The following PROSER2 variants were observed in gnomAD, a reference collection of about 807,000 sequenced individuals.
The protein encoded by PROSER2 is proline and serine rich 2, also known as proline and serine-rich protein 2.
A neutral mutation model predicts 14.6 loss-of-function variants in PROSER2; 18 were observed. The ratio of observed to expected loss-of-function variants is 1.23; its 90% CI spans 0.85 to 1.83. The LOEUF (loss-of-function observed/expected upper bound fraction) is 1.83, where lower values mean the gene tolerates loss of function less well. Ranked by LOEUF, PROSER2 falls within the 40% of genes most tolerant of loss-of-function variation. The probability of loss-of-function intolerance (pLI) is 0.00; values close to 1 mark genes in which losing one functional copy is unlikely to be tolerated. For synonymous variants in PROSER2, 367 were observed against 286.4 expected, an observed-to-expected ratio of 1.28 and a Z score of -2.84; for missense variants, 823 against 629.8, an observed-to-expected ratio of 1.31 and a Z score of -3.28.
At chr10:11,828,300 T>TAA (rs1833642165) in intron 1 of PROSER2, among the ~76,000 whole-genome samples, 1 of 103,478 alleles carries the variant, frequency 9.7e-6, no homozygotes. Context: ...ACTCTCTGTG[T>TAA]GAAAAAAAAA....
At chr10:11,848,230 A>G (rs961945866) in intron 1 of PROSER2, among the ~76,000 whole-genome samples, 3 of 152,290 alleles carry the variant, frequency 2.0e-5, no homozygotes, top group Admixed American at 6.5e-5. Flanking sequence ...GTGCAGTGGC[A>G]TGATATCAGC....
At chr10:11,826,741 G>A (rs1439356148) in intron 1 of PROSER2, among the ~76,000 whole-genome samples, 1 of 151,748 alleles carries the variant, frequency 6.6e-6, no homozygotes, top group South Asian at 2.1e-4. Flanking sequence ...CCACCACGCC[G>A]GGCTAATTTT....
rs1364020501 is a variant in PROSER2 at position 11,871,915 on chromosome 10, ATTTAG to A, written c.*1513_*1517del. ...ATAATTTTTTCCTTAGAAATGCAAT[ATTTAG>A]TTTCATCCAGCTCTTATGAATAATA... On this transcript the variant is annotated 3_prime_UTR_variant, in exon 4 of 4. Coordinates refer to ENST00000277570, the MANE Select transcript of PROSER2 (RefSeq NM_153256.4). The A allele has an allele frequency of 6.6e-6, 1 of 152,234 alleles. No individual in the cohort carries two copies. Among genetic ancestry groups the A allele is most frequent in the African/African-American group, 2.4e-5 (1 of 41,464 alleles). 9.4% of individuals were successfully genotyped at this position (152,234 alleles called of 1,614,324 possible).
intron 2 of PROSER2, among the ~76,000 whole-genome samples, chr10:11,864,424 G>GCTC (rs1564313535): frequency 1.3e-5 from 2 of 151,924 alleles, no homozygotes; most frequent in African/African-American, 4.8e-5. Context: ...TTTAACATGC[G>GCTC]CTCTCTCTAT....
chr10:11,852,684 ATTTTTTTTTTTTT>A (rs33939695), intron 2 of PROSER2, among the ~76,000 whole-genome samples: 1 of 98,024 alleles, frequency 1.0e-5, no homozygotes, highest in African/African-American at 4.1e-5. Flanking sequence ...ACACCCGGCT[ATTTTTTTTTTTTT>A]TTTTTTTTTT....
intron 2 of PROSER2, among the ~76,000 whole-genome samples, chr10:11,855,500 C>T (rs985948259): frequency 4.0e-5 from 6 of 149,998 alleles, no homozygotes; most frequent in African/African-American, 1.5e-4. Flanking sequence ...AGAAAAAAGA[C>T]GATAAAAGAT....
chr10:11,855,252 T>C (rs1834102171), intron 2 of PROSER2, among the ~76,000 whole-genome samples: 1 of 150,474 alleles, frequency 6.6e-6, no homozygotes. Flanking sequence ...GGCAGGCGGA[T>C]CACGAGGTCA....
Position 11,823,767 on chromosome 10 carries a change from G to A in PROSER2, c.-82+297G>A, listed in dbSNP as rs1184185514. Among the ~76,000 whole-genome samples, 1 of 152,160 alleles carries A rather than the reference G, an allele frequency of 6.6e-6. No individual in the cohort carries two copies. The highest frequency in any genetic ancestry group is 6.5e-5 in the Admixed American group (1 of 15,284). ...CTGGGGCTATCCTGGGGGCTCAGGG[G>A]TGGAGGCGGGTTTCCCAGCCTTGGG... On this transcript the variant is annotated intron_variant, in intron 1 of 3. Coordinates refer to ENST00000277570, the MANE Select transcript of PROSER2 (RefSeq NM_153256.4). The surrounding 1 kb of genome is among the most constrained non-coding windows in gnomAD (Gnocchi z 6.2).
chr10:11,847,015 G>A (rs1359593980), intron 1 of PROSER2, among the ~76,000 whole-genome samples: 1 of 151,898 alleles, frequency 6.6e-6, no homozygotes, highest in Non-Finnish European at 1.5e-5. Context: ...GCCTCCCAAA[G>A]TGTTGGGGTT....
chr10:11,870,454 A>G lies in PROSER2; in HGVS notation c.*48A>G. 7.3e-7 allele frequency: 1 copy of G among 1,366,854 alleles called. No homozygotes were observed. The highest frequency in any genetic ancestry group is 9.6e-7 in the Non-Finnish European group (1 of 1,044,236). 84.7% of individuals were successfully genotyped at this position (1,366,854 alleles called of 1,614,324 possible). A position where few individuals can be genotyped will look rare whatever the true frequency, so the allele number is the denominator to read the frequency against. ...CCCCGTTTCTCCCCACCCTGAAGAG[A>G]GGGTGAAAGAGTCGCTGCACCCAGG... is the stretch of plus-strand genomic sequence containing the variant. On this transcript the variant is annotated 3_prime_UTR_variant, in exon 4 of 4. Transcript: ENST00000277570.
In PROSER2 at chr10:11,836,452, C is replaced by T. The variant is rs563247320; in HGVS notation, c.-82+12982C>T. Among the ~76,000 whole-genome samples the T allele has an allele frequency of 6.6e-6, 1 of 152,324 alleles. No individual in the cohort carries two copies. The highest frequency in any genetic ancestry group is 2.4e-5 in the African/African-American group (1 of 41,564). On this transcript the variant is annotated intron_variant, in intron 1 of 3. Transcript: ENST00000277570. This position sits in a 1 kb window ranked among gnomAD's most constrained non-coding sequence, Gnocchi z 4.6. Reference sequence around the variant, plus strand: ...CCTCAGGTGATCCTCCCACCTCGGCCTCCCAAAGTGCTGGGATTACAGGTG... The same window carrying T: ...CCTCAGGTGATCCTCCCACCTCGGCTTCCCAAAGTGCTGGGATTACAGGTG...
chr10:11,864,272 G>C (rs1834301059), intron 2 of PROSER2, among the ~76,000 whole-genome samples: 1 of 152,166 alleles, frequency 6.6e-6, no homozygotes. Flanking sequence ...TGAGAAGTCT[G>C]TTGCTGTTTT....
intron 1 of PROSER2, among the ~76,000 whole-genome samples, chr10:11,846,763 T>G (rs890989283): frequency 7.2e-5 from 11 of 152,162 alleles, no homozygotes; most frequent in African/African-American, 1.9e-4. Flanking sequence ...TTTGTTTGTT[T>G]GTTTGTTTTA....
At position 11,856,783 on chromosome 10, in the gene PROSER2, A is replaced by G. The variant is rs1394572238; in HGVS notation, c.138+4568A>G. ...CCCCACACATGGCTCATGGACTAAG[A>G]AGGCATGGCAAGCACTGGGGGGCTT... On this transcript the variant is annotated intron_variant, in intron 2 of 3. Coordinates refer to ENST00000277570, the MANE Select transcript of PROSER2 (RefSeq NM_153256.4). This position sits in a 1 kb window ranked among gnomAD's most constrained non-coding sequence, Gnocchi z 5.3. 6.6e-6 allele frequency among the ~76,000 whole-genome samples: 1 copy of G among 152,182 alleles called. No homozygotes were observed. Among genetic ancestry groups the G allele is most frequent in the Non-Finnish European group, 1.5e-5 (1 of 68,046 alleles).
Position 11,865,927 on chromosome 10 carries a change from C to T in PROSER2, c.139-604C>T, listed in dbSNP as rs765133870. ...GGGCCTGAGCTTCTGGGCAGTTCTTCGGGATGCAGCAGGTGGGTCACTGGC... is the reference window on the plus strand; with the variant it reads ...GGGCCTGAGCTTCTGGGCAGTTCTTTGGGATGCAGCAGGTGGGTCACTGGC... On this transcript the variant is annotated intron_variant, in intron 2 of 3. Transcript: ENST00000277570. This position sits in a 1 kb window ranked among gnomAD's most constrained non-coding sequence, Gnocchi z 4.2. Among the ~76,000 whole-genome samples, 6 of 152,164 alleles carry T rather than the reference C, an allele frequency of 3.9e-5. No homozygotes were observed. The highest frequency in any genetic ancestry group is 2.1e-4 in the South Asian group (1 of 4,824).
At chr10:11,855,777 A>T (rs972185988) in intron 2 of PROSER2, among the ~76,000 whole-genome samples, 1 of 152,218 alleles carries the variant, frequency 6.6e-6, no homozygotes, top group Non-Finnish European at 1.5e-5. Context: ...ACAAATACAT[A>T]AATTCTAGAA....
chr10:11,827,124 G>A (rs1025367891), intron 1 of PROSER2, among the ~76,000 whole-genome samples: 6 of 149,356 alleles, frequency 4.0e-5, no homozygotes, highest in Non-Finnish European at 8.9e-5. Context: ...GGGTTCAAGC[G>A]ATCTTCCCAC....
Position 11,823,366 on chromosome 10 carries a change from G to A in PROSER2, c.-186G>A, listed in dbSNP as rs539108001. 1 of 152,492 alleles carries A rather than the reference G, an allele frequency of 6.6e-6. No homozygotes were observed. The highest frequency in any genetic ancestry group is 2.1e-4 in the South Asian group (1 of 4,838). The allele number at this position is 152,492 out of a possible 1,614,324, so 9.4% of individuals were successfully genotyped here. A position where few individuals can be genotyped will look rare whatever the true frequency, so the allele number is the denominator to read the frequency against. The stretch of plus-strand genomic sequence containing the variant: ...GTGGGCGCGCACAGGGAGAGCGCGC[G>A]GCGGGGCGTCCCGGAACAGTCTGCG... On this transcript the variant is annotated 5_prime_UTR_variant, in exon 1 of 4. Transcript: ENST00000277570. This position sits in a 1 kb window ranked among gnomAD's most constrained non-coding sequence, Gnocchi z 6.2.
rs151090815 is a variant in PROSER2, at chr10:11,847,439, A to G, written c.-81-4558A>G. ...GTTTTGTTGTTGTTGTTGTTTTGAG[A>G]CGGAGTCTCGCTCTGTCACCCAGGC... On this transcript the variant is annotated intron_variant, in intron 1 of 3. Transcript: ENST00000277570. Among the ~76,000 whole-genome samples the G allele has an allele frequency of 4.1e-3, 631 of 152,166 alleles. 2 individuals carry two copies. The highest frequency in any genetic ancestry group is 7.0e-3 in the Non-Finnish European group (474 of 67,998).
Sources: allele counts gnomAD v4.1 joint callset (sites outside exome capture counted in the v4.1 genomes callset), GRCh38; gene constraint gnomAD v4.1.1; non-coding constraint Gnocchi (gnomAD v3.1); transcripts MANE v1.5; gene names NCBI Gene and HGNC (gene_info 2026-07-23, HGNC 2026-07-21).